MNAT1: variants seen among roughly 807,000 people sequenced by gnomAD.
The protein encoded by MNAT1 is CDK-activating kinase assembly factor MAT1.
MNAT1 carries 43 observed loss-of-function variants against 42.0 expected under a neutral mutation model. The ratio of observed to expected loss-of-function variants is 1.02; its 90% confidence interval spans 0.80 to 1.32. The LOEUF (loss-of-function observed/expected upper bound fraction) is 1.32. Ranked by LOEUF, MNAT1 falls within the 40% of genes most tolerant of loss-of-function variation. The probability of loss-of-function intolerance (pLI) is 0.00; values close to 1 mark genes in which losing one functional copy is unlikely to be tolerated. For missense variants in MNAT1, 306 were observed against 350.4 expected (o/e 0.87, Z 1.01); for synonymous variants, 118 against 120.0 (o/e 0.98, Z 0.11).
At chr14:60,965,943 T>G (rs1394080020) in intron 7 of MNAT1, among the ~76,000 whole-genome samples, 1 of 152,206 alleles carries the variant, frequency 6.6e-6, no homozygotes, top group African/African-American at 2.4e-5. Flanking sequence ...AGGTTAATTT[T>G]TAGACCTTTC....
At chr14:60,884,691 G>T (rs2034623270) in intron 7 of MNAT1, among the ~76,000 whole-genome samples, 1 of 151,948 alleles carries the variant, frequency 6.6e-6, no homozygotes, top group South Asian at 2.1e-4. Context: ...ATGTTTAATT[G>T]ATTTATCTTT....
intron 7 of MNAT1, among the ~76,000 whole-genome samples, chr14:60,957,559 G>A (rs2036508221): frequency 6.6e-6 from 1 of 152,150 alleles, no homozygotes; most frequent in Non-Finnish European, 1.5e-5. Context: ...TCCCATGACA[G>A]GTGGGAATTA....
intron 6 of MNAT1, among the ~76,000 whole-genome samples, chr14:60,875,542 C>G (rs1336124680): frequency 6.6e-6 from 1 of 152,032 alleles, no homozygotes; most frequent in African/African-American, 2.4e-5. Flanking sequence ...ATTAATAGTA[C>G]TTAATCGTAC....
At chr14:60,766,327 A>C (rs557202846) in intron 1 of MNAT1, among the ~76,000 whole-genome samples, 3 of 147,948 alleles carry the variant, frequency 2.0e-5, no homozygotes, top group Admixed American at 6.7e-5. Flanking sequence ...AGCCTGGGTG[A>C]CAGAGCGAGA....
intron 7 of MNAT1, among the ~76,000 whole-genome samples, chr14:60,966,910 G>A (rs2036692400): frequency 6.6e-6 from 1 of 151,510 alleles, no homozygotes; most frequent in Non-Finnish European, 1.5e-5. Context: ...ATTATATATA[G>A]TAACATATAG....
At chr14:60,945,317 G>T (rs1046855973) in intron 7 of MNAT1, among the ~76,000 whole-genome samples, 1 of 151,710 alleles carries the variant, frequency 6.6e-6, no homozygotes, top group South Asian at 2.1e-4. Context: ...TAAGAGGGGA[G>T]TCAGGTAATT....
intron 6 of MNAT1, among the ~76,000 whole-genome samples, chr14:60,824,960 T>A (rs963675666): frequency 4.7e-5 from 7 of 148,962 alleles, no homozygotes; most frequent in Admixed American, 2.1e-4. Context: ...CCCACCCCAT[T>A]GGATCAATTC....
intron 1 of MNAT1, among the ~76,000 whole-genome samples, chr14:60,760,319 G>C (rs2030548852): frequency 6.6e-6 from 1 of 151,872 alleles, no homozygotes; most frequent in African/African-American, 2.4e-5. Context: ...AATTTTGATA[G>C]CTCTTTCTAA....
chr14:60,933,739 C>T (rs889540025), intron 7 of MNAT1, among the ~76,000 whole-genome samples: 4 of 152,068 alleles, frequency 2.6e-5, no homozygotes, highest in African/African-American at 9.7e-5. Context: ...TTGTTTATCT[C>T]CCTGCTCTAA....
chr14:60,826,439 C>T (rs979515355), intron 6 of MNAT1, among the ~76,000 whole-genome samples: 4 of 151,602 alleles, frequency 2.6e-5, no homozygotes, highest in Admixed American at 6.6e-5. Context: ...GCCTCAGCCT[C>T]CTGCTTAGCT....
chr14:60,868,330 T>C (rs2034250479), intron 6 of MNAT1, among the ~76,000 whole-genome samples: 1 of 152,192 alleles, frequency 6.6e-6, no homozygotes, highest in African/African-American at 2.4e-5. Context: ...TCAGAATTAC[T>C]TCAATTGATT....
At chr14:60,822,775 G>A (rs2032935098) in intron 6 of MNAT1, among the ~76,000 whole-genome samples, 1 of 151,684 alleles carries the variant, frequency 6.6e-6, no homozygotes, top group Admixed American at 6.6e-5. Flanking sequence ...TTTTGTTTTT[G>A]AGATGGAGTC....
chr14:60,772,083 A>T (rs562411705), intron 1 of MNAT1, among the ~76,000 whole-genome samples: 1 of 152,292 alleles, frequency 6.6e-6, no homozygotes, highest in East Asian at 1.9e-4. Context: ...GGGCTCTAAG[A>T]TTATTTTTGA....
At chr14:60,939,476 G>C (rs188224668) in intron 7 of MNAT1, among the ~76,000 whole-genome samples, 14 of 152,160 alleles carry the variant, frequency 9.2e-5, no homozygotes, top group Admixed American at 5.2e-4. Context: ...TTTCTGCCTT[G>C]ATTTCGTTAT....
chr14:60,812,507 T>G (rs1296786957), intron 5 of MNAT1, among the ~76,000 whole-genome samples: 2 of 152,218 alleles, frequency 1.3e-5, no homozygotes, highest in Non-Finnish European at 2.9e-5. Context: ...GAAGACAGTT[T>G]AAAACCTGAA....
intron 7 of MNAT1, among the ~76,000 whole-genome samples, chr14:60,937,118 G>A (rs893115043): frequency 2.6e-5 from 4 of 151,820 alleles, no homozygotes; most frequent in African/African-American, 9.7e-5. Flanking sequence ...TGTAGATTCT[G>A]GATATTAGCC....
In MNAT1 at chr14:60,896,341, C is replaced by T. The variant is rs2034956108; in HGVS notation, c.809+16506C>T. Among the ~76,000 whole-genome samples, 6 of 152,130 alleles carry T rather than the reference C, an allele frequency of 3.9e-5. 1 individual carries two copies. The South Asian group carries it at 1.0e-3, about 26-fold the overall frequency. On this transcript the variant is annotated intron_variant, in intron 7 of 7. Coordinates refer to ENST00000261245, the MANE Select transcript of MNAT1 (RefSeq NM_002431.4). The stretch of plus-strand genomic sequence containing the variant: ...AGTCTAATTGATTGTCAATGTGAGA[C>T]TCTCTTTTTAATAATCATCTAGCTT...
At chr14:60,874,291 G>T (rs1161606750) in intron 6 of MNAT1, among the ~76,000 whole-genome samples, 1 of 152,114 alleles carries the variant, frequency 6.6e-6, no homozygotes, top group Non-Finnish European at 1.5e-5. Context: ...TATCTATACT[G>T]ATTCATTCTC....
intron 7 of MNAT1, among the ~76,000 whole-genome samples, chr14:60,885,202 A>G (rs1472130914): frequency 6.6e-6 from 1 of 151,776 alleles, no homozygotes; most frequent in Non-Finnish European, 1.5e-5. Context: ...ACCTTCTTGT[A>G]CTTGAATAGT....
Sources: gnomAD v4.1 joint callset for allele counts (sites outside exome capture counted in the v4.1 genomes callset) on GRCh38, gnomAD v4.1.1 for gene constraint, MANE v1.5 for transcripts, NCBI Gene and HGNC (gene_info 2026-07-23, HGNC 2026-07-21) for gene names.